NTAQ1: variants seen among roughly 807,000 people sequenced by gnomAD.
The protein encoded by NTAQ1 is N-terminal glutamine amidase 1.
Under a neutral mutation model 28.2 loss-of-function variants are expected in NTAQ1, and 21 were observed. That is an observed-to-expected ratio of 0.74 (90% CI 0.53 to 1.07). The LOEUF is 1.07. Ranked by LOEUF, NTAQ1 falls within the 50% of genes least tolerant of loss-of-function variation. The pLI, the probability that NTAQ1 is intolerant of heterozygous loss-of-function variation, is 0.00. For synonymous variants in NTAQ1, 105 were observed against 90.0 expected (o/e 1.17, Z -0.94); for missense variants, 264 against 256.6 (o/e 1.03, Z -0.20).
intron 3 of NTAQ1, among the ~76,000 whole-genome samples, chr8:123,433,273 C>A (rs1377986861): frequency 2.6e-5 from 4 of 152,160 alleles, no homozygotes; most frequent in Non-Finnish European, 5.9e-5. Flanking sequence ...CCTGAACTTA[C>A]TAGAGAGTTG....
intron 6 of NTAQ1, among the ~76,000 whole-genome samples, chr8:123,458,513 C>G (rs753300688): frequency 6.6e-6 from 1 of 151,936 alleles, no homozygotes; most frequent in Non-Finnish European, 1.5e-5. Flanking sequence ...GCATATATGG[C>G]ATTAAGCTGC....
chr8:123,471,081 T>C (rs1221318904), downstream of NTAQ1, among the ~76,000 whole-genome samples: 3 of 151,860 alleles, frequency 2.0e-5, no homozygotes, highest in East Asian at 5.8e-4. Context: ...CCACCATGCC[T>C]GGCAAATTAA....
intron 6 of NTAQ1, among the ~76,000 whole-genome samples, chr8:123,465,746 TA>T (rs1360401203): frequency 4.6e-5 from 7 of 151,808 alleles, no homozygotes; most frequent in African/African-American, 1.7e-4. Flanking sequence ...CATGCCAGGC[TA>T]ATTTTTGTGT....
intron 6 of NTAQ1, among the ~76,000 whole-genome samples, chr8:123,464,247 A>G (rs971283513): frequency 1.3e-5 from 2 of 152,184 alleles, no homozygotes; most frequent in African/African-American, 4.8e-5. Flanking sequence ...TAAAGGGACC[A>G]GTCAATGGAT....
intron 1 of NTAQ1, among the ~76,000 whole-genome samples, chr8:123,422,184 A>AT (rs1813740815): frequency 6.6e-6 from 1 of 151,660 alleles, no homozygotes; most frequent in Non-Finnish European, 1.5e-5. Context: ...TTGCTTGTTT[A>AT]TTTAAGTTCC....
chr8:123,449,615 A>G (rs1291195186), downstream of NTAQ1, among the ~76,000 whole-genome samples: 1 of 152,012 alleles, frequency 6.6e-6, no homozygotes, highest in Admixed American at 6.6e-5. Flanking sequence ...ATGAACTTCT[A>G]CAATGTGTGG....
intron 1 of NTAQ1, among the ~76,000 whole-genome samples, chr8:123,421,383 C>CTT (rs1201831405): frequency 6.6e-6 from 1 of 152,152 alleles, no homozygotes; most frequent in Non-Finnish European, 1.5e-5. Context: ...CCTGGCCTGA[C>CTT]TTTAAGAATA....
At chr8:123,421,082 G>A (rs1813657026) in intron 1 of NTAQ1, among the ~76,000 whole-genome samples, 1 of 53,484 alleles carries the variant, frequency 1.9e-5, no homozygotes, top group Admixed American at 2.1e-4. Flanking sequence ...GCCGTACCCG[G>A]CCTATTTATT....
At chr8:123,428,096 A>AG (rs1554651933) in intron 2 of NTAQ1, 73 bp downstream of exon 2, 12,461 of 1,003,008 alleles carry the variant, frequency 0.012, 18 homozygotes, top group East Asian at 0.026. Context: ...TAAAAAAAAA[A>AG]AAGCTAAATA....
At chr8:123,417,618 C>T (rs958355900) in intron 1 of NTAQ1, among the ~76,000 whole-genome samples, 3 of 152,108 alleles carry the variant, frequency 2.0e-5, no homozygotes, top group Admixed American at 1.3e-4. Context: ...GTCCTCATAC[C>T]TACTCTTTCC....
At chr8:123,456,935 CATT>C (rs1227775857) in intron 6 of NTAQ1, among the ~76,000 whole-genome samples, 2 of 152,158 alleles carry the variant, frequency 1.3e-5, no homozygotes, top group Admixed American at 6.5e-5. Context: ...CGAGGAAACT[CATT>C]GTAGCTGTGG....
At chr8:123,442,965 G>A (rs941531469), downstream of NTAQ1, among the ~76,000 whole-genome samples, 1 of 151,630 alleles carries the variant, frequency 6.6e-6, no homozygotes, top group African/African-American at 2.4e-5. Context: ...ACCGCGCCCG[G>A]CCCCCTTCCC....
chr8:123,423,259 C>T (rs1813826066), intron 1 of NTAQ1, among the ~76,000 whole-genome samples: 1 of 144,978 alleles, frequency 6.9e-6, no homozygotes, highest in Non-Finnish European at 1.5e-5. Flanking sequence ...CTCCTTCCCT[C>T]CTTTCTTTCT....
chr8:123,444,586 A>G (rs994548760), downstream of NTAQ1, among the ~76,000 whole-genome samples: 1 of 152,314 alleles, frequency 6.6e-6, no homozygotes, highest in South Asian at 2.1e-4. Context: ...GGCTCACTGC[A>G]AGCTCTGCCT....
rs574346824 is a variant in NTAQ1 at position 123,432,552 on chromosome 8, T to C, written c.234+2519T>C. 3.3e-5 allele frequency among the ~76,000 whole-genome samples: 5 copies of C among 152,114 alleles called. No individual in the cohort carries two copies. In the East Asian group the frequency reaches 9.7e-4, roughly 30 times the overall value. On this transcript the variant is annotated intron_variant, in intron 3 of 5. Coordinates refer to ENST00000287387, the MANE Select transcript of NTAQ1 (RefSeq NM_018024.3). The stretch of plus-strand genomic sequence containing the variant: ...TGGGTGCCTGAGGCAGGAGAATTGC[T>C]TGAACCTGGGAGGCAGAGGTCACAG...
chr8:123,422,691 TG>T (rs1431925699), intron 1 of NTAQ1, among the ~76,000 whole-genome samples: 2 of 151,946 alleles, frequency 1.3e-5, no homozygotes, highest in African/African-American at 4.8e-5. Flanking sequence ...CCGTTGCTTT[TG>T]GAGTCTTCAT....
At chr8:123,458,338 G>T (rs1046384989) in intron 6 of NTAQ1, among the ~76,000 whole-genome samples, 1 of 151,162 alleles carries the variant, frequency 6.6e-6, no homozygotes, top group African/African-American at 2.4e-5. Flanking sequence ...AAAGCCAAAA[G>T]AAATTATTTT....
chr8:123,427,945 CTG>C lies in NTAQ1; in HGVS notation c.108_109del (p.Cys36Ter), dbSNP rs766849067. 1 of 1,608,282 alleles carries C rather than the reference CTG, an allele frequency of 6.2e-7. No homozygotes were observed. The highest frequency in any genetic ancestry group is 8.5e-7 in the Non-Finnish European group (1 of 1,177,568). On this transcript the variant is annotated frameshift_variant, in exon 2 of 6. Transcript: ENST00000287387. LOFTEE classifies it high-confidence loss of function. The stretch of plus-strand genomic sequence containing the variant: ...TCAGTGAAGAAAATATTTGGAAGCT[CTG>C]TGAATACATCAAAAACCATGACCAG... ...CYCEENIWKL[C>X]EYIKNHDQYP...
chr8:123,418,219 G>A (rs1419922430), intron 1 of NTAQ1, among the ~76,000 whole-genome samples: 1 of 152,170 alleles, frequency 6.6e-6, no homozygotes, highest in Admixed American at 6.5e-5. Context: ...GGGAGGCCGA[G>A]GTGGGCGGAT....
Sources: allele counts gnomAD v4.1 joint callset (sites outside exome capture counted in the v4.1 genomes callset), GRCh38; gene constraint gnomAD v4.1.1; transcripts MANE v1.5; gene names NCBI Gene and HGNC (gene_info 2026-07-23, HGNC 2026-07-21).